Variants in ASCC3 observed in about 807,000 individuals in gnomAD.
The protein encoded by ASCC3 is activating signal cointegrator 1 complex subunit 3, also known as ASC-1 complex subunit P200.
Under a neutral mutation model 256.3 loss-of-function variants are expected in ASCC3, and 158 were observed. That is an observed-to-expected ratio of 0.62 (90% CI 0.54 to 0.70). The LOEUF (loss-of-function observed/expected upper bound fraction) is 0.70. ASCC3 is among the 30% of genes least tolerant of loss of function. The pLI is 0.00. For missense variants in ASCC3, 2,259 were observed against 2,626.0 expected, an observed-to-expected ratio of 0.86 and a Z score of 3.05; for synonymous variants, 948 against 883.4, an observed-to-expected ratio of 1.07 and a Z score of -1.30.
intron 36 of ASCC3, among the ~76,000 whole-genome samples, chr6:100,563,295 A>T (rs1007703310): frequency 1.3e-5 from 2 of 152,044 alleles, no homozygotes; most frequent in Admixed American, 6.6e-5. Context: ...TTAGAATTTT[A>T]AAAGGGGGAA....
chr6:100,632,287 T>C (rs532861648), intron 25 of ASCC3, among the ~76,000 whole-genome samples: 8 of 148,010 alleles, frequency 5.4e-5, no homozygotes, highest in Admixed American at 3.4e-4. Context: ...ATCTGTACAA[T>C]GAAAACTATA....
At chr6:100,602,121 G>C (rs1197481591) in intron 33 of ASCC3, among the ~76,000 whole-genome samples, 186 bp from the exon 34 acceptor site, 2 of 151,760 alleles carry the variant, frequency 1.3e-5, no homozygotes, top group African/African-American at 4.8e-5. Context: ...TTATTTAGTG[G>C]GAATTTGGTT....
At chr6:100,617,412 A>G (rs1773722120) in intron 30 of ASCC3, among the ~76,000 whole-genome samples, 1 of 152,124 alleles carries the variant, frequency 6.6e-6, no homozygotes, top group Non-Finnish European at 1.5e-5. Context: ...TCGTAGCACT[A>G]TTTTCCTTGA....
intron 37 of ASCC3, among the ~76,000 whole-genome samples, chr6:100,535,614 G>A (rs968319536): frequency 2.6e-5 from 4 of 151,588 alleles, no homozygotes; most frequent in East Asian, 1.9e-4. Context: ...GATTACAGGC[G>A]CCCACTACCA....
chr6:100,650,712 G>A lies in ASCC3; in HGVS notation c.3078C>T (p.Val1026=). 3.7e-6 allele frequency: 6 copies of A among 1,608,142 alleles called. No homozygotes were observed. The highest frequency in any genetic ancestry group is 1.3e-5 in the African/African-American group (1 of 74,848). ...CTAACTCCTCTATTTCCTCTTCTCT[G>A]ACCTAGAAGAATCAATGTATTTATT... ...SKAEEFDQIK[V]REEEIEELDT... Residue 1026 remains valine (V), a splice_region_variant and synonymous_variant, in exon 20 of 42, where the codon GTC becomes GTT. Coordinates refer to ENST00000369162, the MANE Select transcript of ASCC3 (RefSeq NM_006828.4).
chr6:100,840,405 A>G (rs568436291), intron 4 of ASCC3, among the ~76,000 whole-genome samples: 1 of 151,718 alleles, frequency 6.6e-6, no homozygotes, highest in East Asian at 1.9e-4. Context: ...ATGACTCACT[A>G]AAGCCTCAAC....
intron 3 of ASCC3, among the ~76,000 whole-genome samples, chr6:100,851,807 T>C (rs1772683773): frequency 6.6e-6 from 1 of 152,192 alleles, no homozygotes; most frequent in Non-Finnish European, 1.5e-5. Context: ...TTAACATGGA[T>C]GACTACACAA....
At chr6:100,652,076 T>C (rs549287390) in intron 18 of ASCC3, among the ~76,000 whole-genome samples, 28 of 152,082 alleles carry the variant, frequency 1.8e-4, no homozygotes, top group African/African-American at 6.7e-4. Flanking sequence ...AAAATATTAC[T>C]AGTGAGGACA....
chr6:100,511,723 G>C (rs1322152981), intron 40 of ASCC3, among the ~76,000 whole-genome samples: 1 of 151,918 alleles, frequency 6.6e-6, no homozygotes, highest in Non-Finnish European at 1.5e-5. Context: ...AAAAAAAAAA[G>C]CTCATACTAA....
At chr6:100,570,906 T>G (rs1258870911) in intron 36 of ASCC3, among the ~76,000 whole-genome samples, 3 of 152,194 alleles carry the variant, frequency 2.0e-5, no homozygotes, top group Non-Finnish European at 4.4e-5. Flanking sequence ...TGAGTCTGAC[T>G]ACTACTCACC....
At chr6:100,612,211 T>C (rs760255161) in intron 30 of ASCC3, among the ~76,000 whole-genome samples, 1 of 152,012 alleles carries the variant, frequency 6.6e-6, no homozygotes, top group African/African-American at 2.4e-5. Context: ...TTTAAGTAGA[T>C]ACATTACTCT....
chr6:100,623,129 T>A (rs2114849463), intron 30 of ASCC3, among the ~76,000 whole-genome samples: 1 of 152,226 alleles, frequency 6.6e-6, no homozygotes, highest in South Asian at 2.1e-4. Context: ...TTTTTCATCA[T>A]TTGCCTCCTA....
chr6:100,766,632 A>C lies in ASCC3; in HGVS notation c.1670T>G (p.Leu557Arg). 1 of 1,614,022 alleles carries C rather than the reference A, an allele frequency of 6.2e-7. No homozygotes were observed. The highest frequency in any genetic ancestry group is 8.5e-7 in the Non-Finnish European group (1 of 1,179,934). ...TDYFSRRLEP[L>R]GIIVKELTGD... is the part of the protein sequence containing the mutation. ...AGTCAATTCTTTCACAATGATGCCTAGTGGCTCTAGACGTCTGCTGAAGTA... is the reference window on the plus strand; with the variant it reads ...AGTCAATTCTTTCACAATGATGCCTCGTGGCTCTAGACGTCTGCTGAAGTA... Residue 557 changes from leucine to arginine, a missense_variant, in exon 10 of 42, where the codon CTA becomes CGA. Around this residue, in one of 2 missense-constraint regions of ASCC3, gnomAD observed 1,839 missense variants for 2,206.7 expected, o/e 0.83. Transcript: ENST00000369162.
At chr6:100,693,987 G>C (rs1479185138) in intron 13 of ASCC3, among the ~76,000 whole-genome samples, 1 of 152,078 alleles carries the variant, frequency 6.6e-6, no homozygotes, top group African/African-American at 2.4e-5. Flanking sequence ...AGCAATTCCT[G>C]TGACACCTCA....
At chr6:100,766,765 C>G (rs1781677252) in intron 9 of ASCC3, 60 bp from the exon 10 acceptor site, 2 of 1,595,396 alleles carry the variant, frequency 1.3e-6, no homozygotes, top group South Asian at 2.2e-5. Flanking sequence ...ATTTGTCTTA[C>G]AGTAGCCAAT....
chr6:100,589,626 A>C lies in ASCC3; in HGVS notation c.5550+8T>G. The stretch of plus-strand genomic sequence containing the variant: ...AAAGAGAAGATATGAAATATATGAA[A>C]AACTCACACTTAGAATTGAAAGCAG... On this transcript the variant is annotated splice_region_variant and intron_variant, in intron 36 of 41. Coordinates refer to ENST00000369162, the MANE Select transcript of ASCC3 (RefSeq NM_006828.4). 1 of 1,613,196 alleles carries C rather than the reference A, an allele frequency of 6.2e-7. No individual in the cohort carries two copies.
intron 36 of ASCC3, among the ~76,000 whole-genome samples, chr6:100,563,413 G>A (rs1335691790): frequency 6.6e-6 from 1 of 152,170 alleles, no homozygotes; most frequent in Non-Finnish European, 1.5e-5. Context: ...TTTCCAAAAA[G>A]TTATACGATT....
At chr6:100,871,209 C>T (rs916734295) in intron 1 of ASCC3, among the ~76,000 whole-genome samples, 1 of 152,018 alleles carries the variant, frequency 6.6e-6, no homozygotes, top group Non-Finnish European at 1.5e-5. Flanking sequence ...AATTCTCCTG[C>T]CTCAGCCTCC....
rs1582653304 is a variant in ASCC3 at position 100,661,880 on chromosome 6, G to C, written c.2629C>G (p.Leu877Val). The C allele has an allele frequency of 6.2e-7, 1 of 1,613,382 alleles. No individual in the cohort carries two copies. Among genetic ancestry groups the C allele is most frequent in the Middle Eastern group, 1.7e-4 (1 of 6,060 alleles). The part of the protein sequence containing the change: ...ITTHDKLSHY[L>V]TLLTQRNPIE... Reference sequence around the variant, plus strand: ...GGGTTTCGTTGAGTGAGCAAAGTGAGGTAATGGCTGAGTTTATCATGCGTT... The same window carrying C: ...GGGTTTCGTTGAGTGAGCAAAGTGACGTAATGGCTGAGTTTATCATGCGTT... The change falls in exon 16 of 42, where the codon CTC (leucine) becomes GTC (valine). Residue 877 changes from leucine (L) to valine (V), a missense_variant. By Grantham distance (32) the Leu-to-Val change is conservative. Around this residue, in one of 2 missense-constraint regions of ASCC3, gnomAD observed 1,839 missense variants for 2,206.7 expected, o/e 0.83. Transcript: ENST00000369162.
Sources: allele counts gnomAD v4.1 joint callset (sites outside exome capture counted in the v4.1 genomes callset), GRCh38; gene constraint gnomAD v4.1.1; regional missense constraint gnomAD v4.1.1; transcripts MANE v1.5; gene names NCBI Gene and HGNC (gene_info 2026-07-23, HGNC 2026-07-21).